The following DLC1 variants were observed in gnomAD, a reference collection of about 807,000 sequenced individuals.
DLC1 encodes the protein DLC1 Rho GTPase activating protein, also known as rho GTPase-activating protein 7.
DLC1 carries 54 observed loss-of-function variants against 140.3 expected under a neutral mutation model. The ratio of observed to expected loss-of-function variants is 0.38; its 90% CI spans 0.31 to 0.48. The LOEUF is 0.48. DLC1 is among the 20% of genes least tolerant of loss of function. The probability of loss-of-function intolerance (pLI) is 0.96; values close to 1 mark genes in which losing one functional copy is unlikely to be tolerated. For synonymous variants in DLC1, 986 were observed against 728.1 expected, an observed-to-expected ratio of 1.35 and a Z score of -5.70; for missense variants, 2,536 against 1,907.0, an observed-to-expected ratio of 1.33 and a Z score of -6.14.
chr8:13,494,006 G>A (rs1801383340), intron 2 of DLC1, among the ~76,000 whole-genome samples: 1 of 152,142 alleles, frequency 6.6e-6, no homozygotes, highest in South Asian at 2.1e-4. Flanking sequence ...AGTACAGTAT[G>A]TACAATATAA....
intron 5 of DLC1, among the ~76,000 whole-genome samples, chr8:13,242,050 A>G (rs980900253): frequency 6.6e-6 from 1 of 152,162 alleles, no homozygotes; most frequent in Non-Finnish European, 1.5e-5. Flanking sequence ...AGCTCTTTTT[A>G]ACTAGGAGGA....
At chr8:13,569,887 A>G (rs539377602) in intron 1 of DLC1, among the ~76,000 whole-genome samples, 1 of 152,240 alleles carries the variant, frequency 6.6e-6, no homozygotes, top group African/African-American at 2.4e-5. Flanking sequence ...ACGCCTGGCT[A>G]AATTTCTTTA....
intron 4 of DLC1, among the ~76,000 whole-genome samples, chr8:13,312,472 T>A (rs1013621740): frequency 2.0e-5 from 3 of 151,722 alleles, no homozygotes; most frequent in African/African-American, 7.2e-5. Flanking sequence ...TTTATTGAAT[T>A]TTTAATGATA....
chr8:13,489,718 T>C (rs1801151912), intron 2 of DLC1, among the ~76,000 whole-genome samples: 1 of 152,144 alleles, frequency 6.6e-6, no homozygotes, highest in African/African-American at 2.4e-5. Context: ...CTAGGCATAG[T>C]GAAGAATCTG....
intron 5 of DLC1, among the ~76,000 whole-genome samples, chr8:13,241,227 A>C (rs1408918370): frequency 6.6e-6 from 1 of 152,220 alleles, no homozygotes; most frequent in East Asian, 1.9e-4. Flanking sequence ...CTTGGAATAA[A>C]AGTAGATGCT....
At chr8:13,582,904 A>G (rs1196177879) in intron 1 of DLC1, among the ~76,000 whole-genome samples, 1 of 124,356 alleles carries the variant, frequency 8.0e-6, no homozygotes, top group Non-Finnish European at 1.7e-5. Flanking sequence ...ATATATATAT[A>G]TATATATATA....
intron 4 of DLC1, among the ~76,000 whole-genome samples, chr8:13,349,316 C>T (rs771813861): frequency 7.3e-4 from 111 of 152,052 alleles, no homozygotes; most frequent in Non-Finnish European, 1.2e-3. Context: ...TGTTTAGGTC[C>T]TTCTGGTTAG....
chr8:13,378,728 A>C (rs1016756747), intron 4 of DLC1, among the ~76,000 whole-genome samples: 1 of 152,174 alleles, frequency 6.6e-6, no homozygotes, highest in African/African-American at 2.4e-5. Context: ...GATGAACAGA[A>C]CTTCCGTTAT....
At chr8:13,330,024 G>A (rs1833522835) in intron 4 of DLC1, among the ~76,000 whole-genome samples, 1 of 152,122 alleles carries the variant, frequency 6.6e-6, no homozygotes, top group Non-Finnish European at 1.5e-5. Context: ...GAGTGCAGTG[G>A]CATGATCGTA....
At chr8:13,131,516 G>T (rs1190003722) in intron 5 of DLC1, among the ~76,000 whole-genome samples, 2 of 152,118 alleles carry the variant, frequency 1.3e-5, no homozygotes, top group East Asian at 3.9e-4. Flanking sequence ...CATCCATATT[G>T]GGTGTAAAAA....
At chr8:13,328,666 C>G (rs962254610) in intron 4 of DLC1, among the ~76,000 whole-genome samples, 1 of 151,952 alleles carries the variant, frequency 6.6e-6, no homozygotes, top group Non-Finnish European at 1.5e-5. Context: ...AGATGAGGAC[C>G]TTATATTTTG....
intron 3 of DLC1, among the ~76,000 whole-genome samples, chr8:13,398,956 A>T (rs1837172371): frequency 1.3e-5 from 2 of 152,124 alleles, no homozygotes; most frequent in Admixed American, 1.3e-4. Flanking sequence ...AGAGGTAAGG[A>T]TGCTAAGAGA....
At chr8:13,267,508 G>T (rs1830735906) in intron 5 of DLC1, among the ~76,000 whole-genome samples, 1 of 152,094 alleles carries the variant, frequency 6.6e-6, no homozygotes, top group African/African-American at 2.4e-5. Context: ...CACACTGAAT[G>T]CTGAGTCAGT....
At chr8:13,430,247 G>T (rs907010248) in intron 2 of DLC1, among the ~76,000 whole-genome samples, 3 of 152,130 alleles carry the variant, frequency 2.0e-5, no homozygotes, top group Admixed American at 1.3e-4. Flanking sequence ...CTGAGATTCT[G>T]ATCCAATAGG....
At chr8:13,571,805 A>G (rs975123049) in intron 1 of DLC1, among the ~76,000 whole-genome samples, 4 of 152,304 alleles carry the variant, frequency 2.6e-5, no homozygotes, top group South Asian at 2.1e-4. Flanking sequence ...AGCAGTTGCA[A>G]CGTTTTACAT....
chr8:13,474,147 C>G (rs954324278), intron 2 of DLC1, among the ~76,000 whole-genome samples: 16 of 152,142 alleles, frequency 1.1e-4, no homozygotes, highest in African/African-American at 3.4e-4. Context: ...GGCCCAGGGT[C>G]CTCATGCTGT....
intron 5 of DLC1, among the ~76,000 whole-genome samples, chr8:13,280,960 C>A (rs929712328): frequency 3.9e-5 from 6 of 152,192 alleles, no homozygotes; most frequent in African/African-American, 1.4e-4. Context: ...GTGCCTATCC[C>A]AGCATAATAT....
chr8:13,427,699 T>G (rs1838656626), intron 2 of DLC1, among the ~76,000 whole-genome samples: 2 of 152,224 alleles, frequency 1.3e-5, no homozygotes, highest in East Asian at 3.9e-4. Context: ...TTGGGCCCCT[T>G]GTTCTCATGG....
chr8:13,164,001 T>TA (rs147387164), intron 5 of DLC1, among the ~76,000 whole-genome samples: 8,227 of 150,940 alleles, frequency 0.055, 750 homozygotes, highest in African/African-American at 0.19. Flanking sequence ...GACACTGCCT[T>TA]AAAAAAAATT....
Sources: allele counts gnomAD v4.1 joint callset (sites outside exome capture counted in the v4.1 genomes callset), GRCh38; gene constraint gnomAD v4.1.1; transcripts MANE v1.5; gene names NCBI Gene and HGNC (gene_info 2026-07-23, HGNC 2026-07-21).